HYAL4: variants seen among roughly 807,000 people sequenced by gnomAD.
The protein encoded by HYAL4 is hyaluronidase-4.
Under a neutral mutation model 35.2 loss-of-function variants are expected in HYAL4, and 37 were observed. The ratio of observed to expected loss-of-function variants is 1.05; its 90% CI spans 0.81 to 1.38. HYAL4 has a LOEUF of 1.38. Among genes scored for constraint, HYAL4 ranks in the 40% most tolerant of loss-of-function variants. The pLI is 0.00. For missense variants in HYAL4, 572 were observed against 572.4 expected (o/e 1.00, Z 0.01); for synonymous variants, 198 against 203.2 (o/e 0.97, Z 0.22).
upstream of HYAL4, among the ~76,000 whole-genome samples, chr7:123,825,507 G>C (rs894417229): frequency 6.6e-5 from 10 of 152,110 alleles, no homozygotes; most frequent in Non-Finnish European, 1.0e-4. Flanking sequence ...AAAGAATCTG[G>C]CTTTTCCCAA....
In HYAL4 at chr7:123,877,117, C is replaced by T; in HGVS notation, c.1408C>T (p.Leu470=). ...TCCTGGTTCACTAATGACACTTTGTCTACTGCTTTTAGCAAGTTATCGAAG... is the reference window on the plus strand; with the variant it reads ...TCCTGGTTCACTAATGACACTTTGTTTACTGCTTTTAGCAAGTTATCGAAG... ...PSPGSLMTLC[L]LLLASYRSIQ... is the part of the protein sequence containing the mutation. Residue 470 remains leucine, a synonymous_variant, in exon 5 of 5, where the codon CTA becomes TTA. Transcript: ENST00000223026. 6.2e-7 allele frequency: 1 copy of T among 1,614,096 alleles called. No homozygotes were observed.
At chr7:123,797,844 A>G in the HYAL4 span, among the ~76,000 whole-genome samples, 8 of 152,208 alleles carry the variant, frequency 5.3e-5, no homozygotes, top group South Asian at 2.1e-4. Flanking sequence ...CTCTTTATCA[A>G]TGTTTTCTAA....
intron 2 of HYAL4, among the ~76,000 whole-genome samples, chr7:123,853,033 C>T (rs892538645): frequency 6.6e-5 from 10 of 151,908 alleles, no homozygotes; most frequent in African/African-American, 1.9e-4. Flanking sequence ...TTTGGCTCTC[C>T]GTTGGTCTAT....
At chr7:123,799,520 G>A in the HYAL4 span, among the ~76,000 whole-genome samples, 14 of 151,482 alleles carry the variant, frequency 9.2e-5, no homozygotes, top group African/African-American at 3.1e-4. Context: ...TGGGCACAGT[G>A]GCACATGCCT....
At chr7:123,873,402 GA>G (rs33930393) in intron 3 of HYAL4, among the ~76,000 whole-genome samples, 110,359 of 141,476 alleles carry the variant, frequency 0.78, 43,075 homozygotes, top group East Asian at 0.98. Context: ...CAATTGCCCA[GA>G]AAAAAAAAAA....
chr7:123,801,753 T>G, the HYAL4 span, among the ~76,000 whole-genome samples: 2 of 152,316 alleles, frequency 1.3e-5, no homozygotes, highest in East Asian at 3.9e-4. Context: ...ATACATCTCT[T>G]GAGTCTACAA....
At chr7:123,793,579 C>T in the HYAL4 span, among the ~76,000 whole-genome samples, 69 of 152,140 alleles carry the variant, frequency 4.5e-4, no homozygotes, top group Non-Finnish European at 8.8e-4. Flanking sequence ...TGAGTTCTCA[C>T]GAGATCTGAT....
At chr7:123,830,875 G>A (rs1009835379) in intron 1 of HYAL4, among the ~76,000 whole-genome samples, 1 of 151,806 alleles carries the variant, frequency 6.6e-6, no homozygotes, top group Non-Finnish European at 1.5e-5. Flanking sequence ...GATAGATCTT[G>A]GCTTTTCTAC....
chr7:123,767,232 C>T, the HYAL4 span, among the ~76,000 whole-genome samples: 1 of 152,168 alleles, frequency 6.6e-6, no homozygotes, highest in Non-Finnish European at 1.5e-5. Context: ...GTATATGCCT[C>T]TCATTGCCTC....
the HYAL4 span, among the ~76,000 whole-genome samples, chr7:123,795,283 A>G: frequency 6.6e-6 from 1 of 152,062 alleles, no homozygotes; most frequent in African/African-American, 2.4e-5. Flanking sequence ...CTCAGATGAG[A>G]CTTTGGACTT....
chr7:123,873,140 C>G (rs187527138), intron 3 of HYAL4, among the ~76,000 whole-genome samples: 3 of 152,226 alleles, frequency 2.0e-5, no homozygotes, highest in Admixed American at 2.0e-4. Context: ...GACGCAGACT[C>G]AGCAGAGTCT....
the HYAL4 span, among the ~76,000 whole-genome samples, chr7:123,776,984 C>G: frequency 1.3e-5 from 2 of 152,068 alleles, no homozygotes; most frequent in Non-Finnish European, 2.9e-5. Flanking sequence ...AAAATAATTA[C>G]GGTGAAGGGG....
chr7:123,805,209 C>G, the HYAL4 span, among the ~76,000 whole-genome samples: 1 of 152,164 alleles, frequency 6.6e-6, no homozygotes, highest in South Asian at 2.1e-4. Flanking sequence ...TTCAATTATG[C>G]TAGTGAGTAG....
At chr7:123,780,681 A>G in the HYAL4 span, among the ~76,000 whole-genome samples, 1 of 152,046 alleles carries the variant, frequency 6.6e-6, no homozygotes, top group Admixed American at 6.6e-5. Flanking sequence ...GTGTCTGTGT[A>G]GAAAGAAGTA....
At chr7:123,791,777 A>T in the HYAL4 span, among the ~76,000 whole-genome samples, 1 of 152,098 alleles carries the variant, frequency 6.6e-6, no homozygotes, top group Non-Finnish European at 1.5e-5. Flanking sequence ...CTTCCTCAAA[A>T]TTCCTCTCTG....
chr7:123,794,759 C>T, the HYAL4 span, among the ~76,000 whole-genome samples: 3 of 152,220 alleles, frequency 2.0e-5, no homozygotes, highest in African/African-American at 7.2e-5. Context: ...GGGATGAAAC[C>T]CTCATGCAGA....
chr7:123,849,315 C>T (rs1806247970), intron 2 of HYAL4, among the ~76,000 whole-genome samples: 1 of 151,858 alleles, frequency 6.6e-6, no homozygotes, highest in African/African-American at 2.4e-5. Context: ...CTTTCTCTCT[C>T]TCTTTGAGAC....
intron 1 of HYAL4, among the ~76,000 whole-genome samples, chr7:123,839,838 T>G (rs1806024869): frequency 2.5e-4 from 1 of 4,072 alleles, no homozygotes; most frequent in Non-Finnish European, 8.3e-4. Flanking sequence ...GATTGTTTGT[T>G]TTTTTTTCTT....
intron 2 of HYAL4, among the ~76,000 whole-genome samples, chr7:123,862,375 T>A (rs1016980583): frequency 6.6e-6 from 1 of 152,134 alleles, no homozygotes; most frequent in African/African-American, 2.4e-5. Flanking sequence ...TAAAGGTTTT[T>A]AAAACAGAAC....
Sources: allele counts gnomAD v4.1 joint callset (sites outside exome capture counted in the v4.1 genomes callset), GRCh38; gene constraint gnomAD v4.1.1; transcripts MANE v1.5; gene names NCBI Gene and HGNC (gene_info 2026-07-23, HGNC 2026-07-21).